The following CD101 variants were observed in gnomAD, a reference collection of about 807,000 sequenced individuals.
CD101 encodes CD101 molecule, also known as immunoglobulin superfamily member 2.
CD101 carries 76 observed loss-of-function variants against 98.2 expected under a neutral mutation model. That is an observed-to-expected ratio of 0.77 (90% CI 0.64 to 0.94). The LOEUF is 0.94. Ranked by LOEUF, CD101 falls within the 40% of genes least tolerant of loss-of-function variation. The pLI, the probability that CD101 is intolerant of heterozygous loss-of-function variation, is 0.00. For missense variants in CD101, 1,145 were observed against 1,218.8 expected (o/e 0.94, Z 0.90); for synonymous variants, 471 against 472.7 (o/e 1.00, Z 0.05).
In CD101 at chr1:117,018,886, G is replaced by C. The variant is rs1653410069; in HGVS notation, c.2017+326G>C. On this transcript the variant is annotated intron_variant, in intron 6 of 9. Coordinates refer to ENST00000682167, the MANE Select transcript of CD101 (RefSeq NM_001256106.3). The surrounding 1 kb of genome is among the most constrained non-coding windows in gnomAD (Gnocchi z 4.3). ...GGGGGCCTCTAGGACCTGGCTAGAG[G>C]GGAGAAGAAATGTTTTGGATTAGTC... Among the ~76,000 whole-genome samples, 2 of 152,170 alleles carry C rather than the reference G, an allele frequency of 1.3e-5. No homozygotes were observed. The highest frequency in any genetic ancestry group is 1.3e-4 in the Admixed American group (2 of 15,272).
intron 8 of CD101, among the ~76,000 whole-genome samples, chr1:117,028,298 A>G (rs1166381636): frequency 6.6e-6 from 1 of 152,094 alleles, no homozygotes; most frequent in Non-Finnish European, 1.5e-5. Context: ...TTCATTGTAT[A>G]TAGAGGGCAA....
chr1:117,012,039 T>G lies in CD101; in HGVS notation c.841+73T>G. ...GGGTATTTATGAGGTATGTTTTAAT[T>G]TTTGTTCTAATCTTTTGTTGGCTCT... is the stretch of plus-strand genomic sequence containing the variant. On this transcript the variant is annotated intron_variant, in intron 3 of 9. Transcript: ENST00000682167. This position sits in a 1 kb window ranked among gnomAD's most constrained non-coding sequence, Gnocchi z 4.0. 1 of 1,358,858 alleles carries G rather than the reference T, an allele frequency of 7.4e-7. No homozygotes were observed. Among genetic ancestry groups the G allele is most frequent in the South Asian group, 1.4e-5 (1 of 69,254 alleles). 84.2% of individuals were successfully genotyped at this position (1,358,858 alleles called of 1,614,324 possible).
chr1:117,032,452 A>G (rs1205832319), intron 8 of CD101: 1 of 152,232 alleles, frequency 6.6e-6, no homozygotes, highest in Non-Finnish European at 1.5e-5. Context: ...ACTATCATCA[A>G]AGAGATGTTC....
In CD101 at chr1:117,033,845, C is replaced by T; in HGVS notation, c.2825-15C>T. On this transcript the variant is annotated splice_polypyrimidine_tract_variant and intron_variant, in intron 8 of 9. Transcript: ENST00000682167. This position sits in a 1 kb window ranked among gnomAD's most constrained non-coding sequence, Gnocchi z 4.8. ...TTGGAGATGAATTACTCTCTTGTTT[C>T]TCCCTTCGTTGCAGAGCCCACGCTT... 6.2e-7 allele frequency: 1 copy of T among 1,613,842 alleles called. No individual in the cohort carries two copies. Among genetic ancestry groups the T allele is most frequent in the Non-Finnish European group, 8.5e-7 (1 of 1,179,808 alleles).
In CD101 at chr1:117,033,928, G is replaced by C; in HGVS notation, c.2893G>C (p.Val965Leu). 6.2e-7 allele frequency: 1 copy of C among 1,613,946 alleles called. No homozygotes were observed. The highest frequency in any genetic ancestry group is 1.6e-4 in the Middle Eastern group (1 of 6,062). ...LLYFLFICPF[V>L]LLLLLLISLL... ...CTATTTCCTGTTCATCTGTCCCTTC[G>C]TCCTGCTCCTCCTTCTGCTCATCTC... is the stretch of plus-strand genomic sequence containing the variant. Residue 965 changes from valine (V) to leucine (L), a missense_variant, in exon 9 of 10, where the codon GTC becomes CTC. Physicochemically the swap from Val to Leu is conservative, Grantham distance 32. Coordinates refer to ENST00000682167, the MANE Select transcript of CD101 (RefSeq NM_001256106.3). This position sits in a 1 kb window ranked among gnomAD's most constrained non-coding sequence, Gnocchi z 4.8.
Position 117,010,275 on chromosome 1 carries a change from G to C in CD101, c.424+45G>C. On this transcript the variant is annotated intron_variant, in intron 2 of 9. Coordinates refer to ENST00000682167, the MANE Select transcript of CD101 (RefSeq NM_001256106.3). The surrounding 1 kb of genome is among the most constrained non-coding windows in gnomAD (Gnocchi z 5.2). ...CTGCTAGCCAGCCCCTGAGAAGCCAGAGTCTCCACCATGACAATATCTTGC... is the reference window on the plus strand; with the variant it reads ...CTGCTAGCCAGCCCCTGAGAAGCCACAGTCTCCACCATGACAATATCTTGC... 1 of 1,567,230 alleles carries C rather than the reference G, an allele frequency of 6.4e-7. No individual in the cohort carries two copies. The highest frequency in any genetic ancestry group is 8.7e-7 in the Non-Finnish European group (1 of 1,153,636).
chr1:117,010,814 A>C lies in CD101; in HGVS notation c.424+584A>C, dbSNP rs1652843099. On this transcript the variant is annotated intron_variant, in intron 2 of 9. Transcript: ENST00000682167. This position sits in a 1 kb window ranked among gnomAD's most constrained non-coding sequence, Gnocchi z 5.2. ...TGGAACTCATCTTGACTGCTTGGGC[A>C]GAATTCCCACTTTTGTTTCCTTTAG... Among the ~76,000 whole-genome samples the C allele has an allele frequency of 6.6e-6, 1 of 152,232 alleles. No individual in the cohort carries two copies. The highest frequency in any genetic ancestry group is 1.5e-5 in the Non-Finnish European group (1 of 68,036).
chr1:117,034,263 C>T (rs978147501), intron 9 of CD101, 129 bp downstream of exon 9: 21 of 794,294 alleles, frequency 2.6e-5, no homozygotes, highest in Middle Eastern at 3.8e-4. Context: ...ATTGGTTCTA[C>T]GCACTGTTAG....
rs1653700943 is a variant in CD101 at position 117,023,444 on chromosome 1, G to C, written c.2428+1461G>C. Among the ~76,000 whole-genome samples the C allele has an allele frequency of 6.6e-6, 1 of 151,890 alleles. No homozygotes were observed. The highest frequency in any genetic ancestry group is 2.4e-5 in the African/African-American group (1 of 41,332). ...TTCTTTTTCTTTTTTTTTAGACGGA[G>C]TCTTGCTCTGTTGCTCAGGCTGGAG... On this transcript the variant is annotated intron_variant, in intron 7 of 9. Transcript: ENST00000682167. The surrounding 1 kb of genome is among the most constrained non-coding windows in gnomAD (Gnocchi z 4.4).
intron 8 of CD101, chr1:117,032,511 C>T (rs1179868545): frequency 6.6e-6 from 1 of 152,190 alleles, no homozygotes; most frequent in African/African-American, 2.4e-5. Context: ...ATTCTTGCAG[C>T]AGGAGGTTGG....
rs7554376 is a variant in CD101 at position 117,009,938 on chromosome 1, T to C, written c.132T>C (p.Asn44=). ...GTTACCCAGTCAGCATTGGCTGCAA[T>C]GTAACTGGCCACCAGGGACCTTCTG... is the stretch of plus-strand genomic sequence containing the variant. ...AEGYPVSIGC[N]VTGHQGPSEQ... is the part of the protein sequence containing the mutation. The change falls in exon 2 of 10, where the codon AAT becomes AAC. Residue 44 remains asparagine, a synonymous_variant. Transcript: ENST00000682167. 0.068 allele frequency: 108,972 copies of C among 1,614,062 alleles called. 4,358 individuals carry two copies. Among genetic ancestry groups the C allele is most frequent in the African/African-American group, 0.15 (11,580 of 75,008 alleles).
At chr1:117,030,458 GAAA>G in intron 8 of CD101, among the ~76,000 whole-genome samples, 1 of 150,378 alleles carries the variant, frequency 6.6e-6, no homozygotes, top group African/African-American at 2.5e-5. Flanking sequence ...AGAAAGAAAA[GAAA>G]GAAAAAAAGA....
chr1:117,008,720 C>T (rs1218776402), intron 1 of CD101, among the ~76,000 whole-genome samples: 4 of 152,144 alleles, frequency 2.6e-5, no homozygotes, highest in Non-Finnish European at 5.9e-5. Flanking sequence ...TCCTTTCCCT[C>T]ACTTTTTTTT....
intron 8 of CD101, among the ~76,000 whole-genome samples, chr1:117,029,129 CA>C (rs980441558): frequency 1.1e-4 from 2 of 18,490 alleles, no homozygotes; most frequent in African/African-American, 3.0e-4. Context: ...AGTCCAACAT[CA>C]GAAAGAAAGA....
rs1557778839 is a variant in CD101 at position 117,029,198 on chromosome 1, A to AGAAG, written c.2824+3297_2824+3298insGGAA. On this transcript the variant is annotated intron_variant, in intron 8 of 9. Transcript: ENST00000682167. ...AAGAAAGAAAGAAAGAAAGAAAGAA[A>AGAAG]GAAAGAAAAGAAAGAAAAGAAAGAA... is the stretch of plus-strand genomic sequence containing the variant. Among the ~76,000 whole-genome samples, 10 of 76,112 alleles carry AGAAG rather than the reference A, an allele frequency of 1.3e-4. No homozygotes were observed. The East Asian group carries it at 3.1e-3, about 23-fold the overall frequency. The allele number at this position is 76,112 out of a possible 152,430, so 49.9% of individuals were successfully genotyped here.
chr1:117,027,806 G>A (rs190067704), intron 8 of CD101, among the ~76,000 whole-genome samples: 160 of 152,254 alleles, frequency 1.1e-3, no homozygotes, highest in African/African-American at 3.3e-3. Flanking sequence ...ATTGGAGGTC[G>A]GGCACAGTGG....
chr1:117,008,204 C>T (rs1652654826), intron 1 of CD101, among the ~76,000 whole-genome samples: 1 of 152,142 alleles, frequency 6.6e-6, no homozygotes, highest in African/African-American at 2.4e-5. Flanking sequence ...GTGGCTCACA[C>T]CTGTAATTCC....
At chr1:117,014,098 TAG>T (rs1461947104) in intron 4 of CD101, among the ~76,000 whole-genome samples, 1 of 152,136 alleles carries the variant, frequency 6.6e-6, no homozygotes, top group Non-Finnish European at 1.5e-5. Flanking sequence ...CTTGCTATCT[TAG>T]AGTCTATTTA....
chr1:117,028,457 G>A (rs17587765), intron 8 of CD101, among the ~76,000 whole-genome samples: 1 of 152,144 alleles, frequency 6.6e-6, no homozygotes, highest in Non-Finnish European at 1.5e-5. Context: ...ACTGAGTTCA[G>A]AGTAACTGTG....
Sources: gnomAD v4.1 joint callset for allele counts (sites outside exome capture counted in the v4.1 genomes callset) on GRCh38, gnomAD v4.1.1 for gene constraint, Gnocchi (gnomAD v3.1) non-coding constraint, MANE v1.5 for transcripts, NCBI Gene and HGNC (gene_info 2026-07-23, HGNC 2026-07-21) for gene names.